The following ARPP21 variants were observed in gnomAD, a reference collection of about 807,000 sequenced individuals.
ARPP21 encodes the protein cAMP-regulated phosphoprotein 21.
Under a neutral mutation model 113.2 loss-of-function variants are expected in ARPP21, and 69 were observed. The ratio of observed to expected loss-of-function variants is 0.61; its 90% confidence interval spans 0.50 to 0.74. The LOEUF (loss-of-function observed/expected upper bound fraction) is 0.74, where lower values mean the gene tolerates loss of function less well. Among genes scored for constraint, ARPP21 ranks in the 30% least tolerant of loss-of-function variants. ARPP21 has a pLI of 0.00. For synonymous variants in ARPP21, 368 were observed against 375.5 expected, an observed-to-expected ratio of 0.98 and a Z score of 0.23; for missense variants, 1,070 against 1,037.4, an observed-to-expected ratio of 1.03 and a Z score of -0.43.
chr3:35,785,939 A>G (rs1004951238), intron 19 of ARPP21, among the ~76,000 whole-genome samples: 5 of 152,192 alleles, frequency 3.3e-5, no homozygotes, highest in African/African-American at 7.2e-5. Flanking sequence ...ATAAATGGTG[A>G]GGAAAAGAAA....
chr3:35,697,540 T>C (rs2149776301), intron 9 of ARPP21, among the ~76,000 whole-genome samples: 1 of 151,708 alleles, frequency 6.6e-6, no homozygotes, highest in South Asian at 2.1e-4. Context: ...TCCCTATAGA[T>C]AGAGCAATGG....
intron 1 of ARPP21, among the ~76,000 whole-genome samples, chr3:35,655,373 A>G: frequency 6.6e-6 from 1 of 151,858 alleles, no homozygotes; most frequent in Non-Finnish European, 1.5e-5. Context: ...TTCTGAATTC[A>G]CTTTTTTCAT....
At chr3:35,684,048 A>G (rs760191172) in intron 5 of ARPP21, 1 of 1,598,034 alleles carries the variant, frequency 6.3e-7, no homozygotes, top group Non-Finnish European at 8.5e-7. Context: ...AATGGAAAGG[A>G]ATTCAAAAGA....
intron 1 of ARPP21, among the ~76,000 whole-genome samples, chr3:35,649,088 G>A (rs902622470): frequency 1.3e-5 from 2 of 152,090 alleles, no homozygotes; most frequent in African/African-American, 4.8e-5. Flanking sequence ...AGCAGTTCTT[G>A]GCTAGTATAG....
chr3:35,763,186 A>T (rs1262406119), intron 19 of ARPP21, among the ~76,000 whole-genome samples: 1 of 152,090 alleles, frequency 6.6e-6, no homozygotes, highest in Admixed American at 6.6e-5. Flanking sequence ...AAAGTCTCTG[A>T]TCTAATTAAA....
At chr3:35,700,855 T>G (rs2086074019) in intron 9 of ARPP21, among the ~76,000 whole-genome samples, 1 of 151,692 alleles carries the variant, frequency 6.6e-6, no homozygotes, top group African/African-American at 2.4e-5. Context: ...TATTATACTT[T>G]CAGTTCTAGG....
At position 35,737,369 on chromosome 3, in the gene ARPP21, G is replaced by A. The variant is rs746198214; in HGVS notation, c.1644+7G>A. The stretch of plus-strand genomic sequence containing the variant: ...AGGCCCTCTGGTCACTCAGGTAGGG[G>A]GCTGGTTGGAAGGCAGGGAAGGGAA... On this transcript the variant is annotated splice_region_variant and intron_variant, in intron 16 of 20. Transcript: ENST00000684406. 4 of 1,596,042 alleles carry A rather than the reference G, an allele frequency of 2.5e-6. No homozygotes were observed. In the East Asian group the frequency reaches 6.7e-5, roughly 27 times the overall value.
At chr3:35,726,828 G>A (rs1338265368) in intron 14 of ARPP21, among the ~76,000 whole-genome samples, 4 of 152,160 alleles carry the variant, frequency 2.6e-5, no homozygotes, top group East Asian at 1.9e-4. Context: ...GTCTGGAGAT[G>A]AGCTGAATCA....
At chr3:35,778,936 A>G (rs1474409662) in intron 19 of ARPP21, among the ~76,000 whole-genome samples, 1 of 152,190 alleles carries the variant, frequency 6.6e-6, no homozygotes, top group Non-Finnish European at 1.5e-5. Context: ...AATCCACTAT[A>G]TGGCCTCCTT....
chr3:35,655,731 T>C (rs150857985), intron 1 of ARPP21, among the ~76,000 whole-genome samples: 45 of 152,186 alleles, frequency 3.0e-4, no homozygotes, highest in Admixed American at 2.7e-3. Context: ...TTATGTCACC[T>C]CAAGGGGAAA....
rs763172490 is a variant in ARPP21, at chr3:35,743,974, A to T, written c.2137+9A>T. 6.2e-7 allele frequency: 1 copy of T among 1,613,992 alleles called. No homozygotes were observed. Among genetic ancestry groups the T allele is most frequent in the Non-Finnish European group, 8.5e-7 (1 of 1,179,926 alleles). On this transcript the variant is annotated intron_variant, in intron 19 of 20. Transcript: ENST00000684406. ...GGCAGCACAGCAAGCAGGTACTTGGAATCTGTTTCCCATTTGCTTCTCAAC... is the reference window on the plus strand; with the variant it reads ...GGCAGCACAGCAAGCAGGTACTTGGTATCTGTTTCCCATTTGCTTCTCAAC...
At chr3:35,725,912 C>T (rs1463269919) in intron 14 of ARPP21, among the ~76,000 whole-genome samples, 5 of 152,120 alleles carry the variant, frequency 3.3e-5, no homozygotes, top group African/African-American at 1.2e-4. Context: ...GGCCCTGGCC[C>T]CCGTCTGTGC....
At chr3:35,707,395 G>A in intron 10 of ARPP21, 1 of 536,936 alleles carries the variant, frequency 1.9e-6, no homozygotes, top group Non-Finnish European at 3.6e-6. Context: ...GAAAAGCTTT[G>A]TCAGTCGCAT....
chr3:35,766,151 C>T (rs371750178), intron 19 of ARPP21, among the ~76,000 whole-genome samples: 1 of 152,128 alleles, frequency 6.6e-6, no homozygotes, highest in African/African-American at 2.4e-5. Context: ...ATTTTAAATG[C>T]TACTCACATG....
rs1366357667 is a variant in ARPP21, at chr3:35,739,308, G to A, written c.1750-9G>A. ...TGTGAATTCCCTCATTTATTTCCAT[G>A]ACTTGCAGAGAGATGATGTGGCAAC... On this transcript the variant is annotated splice_polypyrimidine_tract_variant and intron_variant, in intron 17 of 20. Coordinates refer to ENST00000684406, the MANE Select transcript of ARPP21 (RefSeq NM_001385562.1). 5.0e-6 allele frequency: 8 copies of A among 1,610,854 alleles called. No homozygotes were observed. The highest frequency in any genetic ancestry group is 6.8e-6 in the Non-Finnish European group (8 of 1,178,042).
chr3:35,722,155 A>G (rs966164437), intron 14 of ARPP21, among the ~76,000 whole-genome samples: 5 of 152,218 alleles, frequency 3.3e-5, no homozygotes, highest in East Asian at 1.9e-4. Flanking sequence ...AAGTTTACTC[A>G]GTAAACTGAA....
intron 15 of ARPP21, 55 bp downstream of exon 15, chr3:35,729,591 T>G: frequency 6.9e-7 from 1 of 1,442,926 alleles, no homozygotes; most frequent in East Asian, 2.3e-5. Flanking sequence ...TTTGTTCTTA[T>G]GTTTGATCTT....
chr3:35,729,304 T>A lies in ARPP21; in HGVS notation c.1227T>A (p.Gly409=). 6 of 1,611,778 alleles carry A rather than the reference T, an allele frequency of 3.7e-6. No homozygotes were observed. The highest frequency in any genetic ancestry group is 5.1e-6 in the Non-Finnish European group (6 of 1,177,918). ...TTGTTGATTGTATCCCTATGCCAGGTTCCGAGTCTTCCAGCAGTGCAGGCT... is the reference window on the plus strand; with the variant it reads ...TTGTTGATTGTATCCCTATGCCAGGATCCGAGTCTTCCAGCAGTGCAGGCT... ...TRSTGKLSKA[G]SESSSSAGSS... Residue 409 remains glycine (G), a splice_region_variant and synonymous_variant, in exon 15 of 21, where the codon GGT becomes GGA. Coordinates refer to ENST00000684406, the MANE Select transcript of ARPP21 (RefSeq NM_001385562.1).
intron 12 of ARPP21, chr3:35,715,700 C>CT (rs1222465008): frequency 2.8e-6 from 1 of 355,604 alleles, no homozygotes; most frequent in African/African-American, 2.1e-5. Flanking sequence ...AATTGTAAAA[C>CT]TTTTTCTTAT....
Sources: gnomAD v4.1 joint callset for allele counts (sites outside exome capture counted in the v4.1 genomes callset) on GRCh38, gnomAD v4.1.1 for gene constraint, MANE v1.5 for transcripts, NCBI Gene and HGNC (gene_info 2026-07-23, HGNC 2026-07-21) for gene names.